Variants in RNF141 observed in about 807,000 individuals in gnomAD.
The protein encoded by RNF141 is C3HC4-like zinc finger protein.
Under a neutral mutation model 27.4 loss-of-function variants are expected in RNF141, and 18 were observed. The observed-to-expected ratio is 0.66, with a 90% CI of 0.45 to 0.97. The LOEUF (loss-of-function observed/expected upper bound fraction) is 0.97. Ranked by LOEUF, RNF141 falls within the 50% of genes least tolerant of loss-of-function variation. RNF141 has a pLI of 0.00. For missense variants in RNF141, 230 were observed against 279.4 expected, an observed-to-expected ratio of 0.82 and a Z score of 1.26; for synonymous variants, 97 against 96.6, an observed-to-expected ratio of 1.00 and a Z score of -0.02.
At chr11:10,526,675 T>C (rs1449710563) in intron 3 of RNF141, among the ~76,000 whole-genome samples, 6 of 151,146 alleles carry the variant, frequency 4.0e-5, no homozygotes, top group Non-Finnish European at 8.8e-5. Flanking sequence ...CCCAGCTACT[T>C]GGGAAGCTGA....
intron 3 of RNF141, among the ~76,000 whole-genome samples, 183 bp from the exon 4 acceptor site, chr11:10,525,556 G>T (rs1849925875): frequency 6.6e-6 from 1 of 152,142 alleles, no homozygotes; most frequent in Non-Finnish European, 1.5e-5. Flanking sequence ...CACTTGTGGG[G>T]TTCAAACTTC....
chr11:10,538,626 C>G (rs1850057893), intron 1 of RNF141, among the ~76,000 whole-genome samples: 1 of 152,212 alleles, frequency 6.6e-6, no homozygotes, highest in African/African-American at 2.4e-5. Context: ...TACACAAGCA[C>G]TCAATAGATG....
intron 1 of RNF141, among the ~76,000 whole-genome samples, chr11:10,536,222 T>TA (rs1334620301): frequency 4.0e-5 from 6 of 150,582 alleles, no homozygotes; most frequent in Non-Finnish European, 7.4e-5. Flanking sequence ...AGTTAGGGAT[T>TA]AAAAAAAAAG....
At position 10,512,268 on chromosome 11, in the gene RNF141, C is replaced by A. The variant is rs867249670; in HGVS notation, c.*2648G>T. 1 of 152,592 alleles carries A rather than the reference C, an allele frequency of 6.6e-6. No individual in the cohort carries two copies. The highest frequency in any genetic ancestry group is 2.4e-5 in the African/African-American group (1 of 41,430). The allele number at this position is 152,592 out of a possible 1,614,324, so 9.5% of individuals were successfully genotyped here. A position where few individuals can be genotyped will look rare whatever the true frequency, so the allele number is the denominator to read the frequency against. Reference sequence around the variant, plus strand: ...CCATTAAACAAATTTACAACTTTTACGATTAGTTATTACAGTAGAACTGAC... The same window carrying A: ...CCATTAAACAAATTTACAACTTTTAAGATTAGTTATTACAGTAGAACTGAC... On this transcript the variant is annotated 3_prime_UTR_variant, in exon 6 of 6. Transcript: ENST00000265981.
intron 5 of RNF141, chr11:10,515,419 A>G (rs1244632586): frequency 1.2e-5 from 2 of 171,910 alleles, no homozygotes; most frequent in African/African-American, 4.7e-5. Flanking sequence ...CTGTATCGCT[A>G]TGCCATAATT....
At chr11:10,521,444 T>C (rs906146571) in intron 4 of RNF141, among the ~76,000 whole-genome samples, 1 of 152,242 alleles carries the variant, frequency 6.6e-6, no homozygotes, top group Non-Finnish European at 1.5e-5. Flanking sequence ...TCATCAGACA[T>C]GTATTACTTT....
chr11:10,539,105 CA>C (rs1442313462), intron 1 of RNF141, among the ~76,000 whole-genome samples: 3 of 152,078 alleles, frequency 2.0e-5, no homozygotes, highest in Admixed American at 6.6e-5. Context: ...TCAAGGATTC[CA>C]AAAATGCCAC....
Position 10,513,278 on chromosome 11 carries a change from G to A in RNF141, c.*1638C>T, listed in dbSNP as rs3177103. ...TGGCCAGATGTTTTTCCTTGAAATT[G>A]ATTTGAATTTTATTTGCTCGCCTAT... On this transcript the variant is annotated 3_prime_UTR_variant, in exon 6 of 6. Coordinates refer to ENST00000265981, the MANE Select transcript of RNF141 (RefSeq NM_016422.4). 1 of 152,316 alleles carries A rather than the reference G, an allele frequency of 6.6e-6. No homozygotes were observed. The highest frequency in any genetic ancestry group is 1.5e-5 in the Non-Finnish European group (1 of 68,026). 9.4% of individuals were successfully genotyped at this position (152,316 alleles called of 1,614,324 possible). A position where few individuals can be genotyped will look rare whatever the true frequency, so the allele number is the denominator to read the frequency against.
chr11:10,530,118 A>G (rs897002242), intron 3 of RNF141, among the ~76,000 whole-genome samples: 1 of 152,212 alleles, frequency 6.6e-6, no homozygotes, highest in Non-Finnish European at 1.5e-5. Flanking sequence ...GTAGCCTCAA[A>G]AAGTTAAGAA....
At chr11:10,519,000 T>C in intron 5 of RNF141, 34 bp downstream of exon 5, 1 of 1,551,028 alleles carries the variant, frequency 6.4e-7, no homozygotes, top group Non-Finnish European at 8.9e-7. Context: ...CCCACTGACC[T>C]TGGCCCAGCC....
chr11:10,536,980 G>GA (rs368797758), intron 1 of RNF141, among the ~76,000 whole-genome samples: 13 of 150,234 alleles, frequency 8.7e-5, no homozygotes, highest in Admixed American at 2.0e-4. Context: ...CATGGGCATA[G>GA]AAAAAAAAAG....
intron 4 of RNF141, among the ~76,000 whole-genome samples, chr11:10,523,683 GT>G (rs1407441682): frequency 6.6e-6 from 1 of 152,158 alleles, no homozygotes; most frequent in Admixed American, 6.5e-5. Context: ...TGAATTTCCA[GT>G]TTTGAGGGCA....
chr11:10,534,864 C>G (rs964761382), intron 1 of RNF141, among the ~76,000 whole-genome samples: 1 of 151,902 alleles, frequency 6.6e-6, no homozygotes, highest in African/African-American at 2.4e-5. Context: ...TAGATGTGTA[C>G]CTTAGTTTTA....
intron 4 of RNF141, among the ~76,000 whole-genome samples, chr11:10,522,491 T>C (rs1370282277): frequency 6.6e-6 from 1 of 152,202 alleles, no homozygotes; most frequent in East Asian, 1.9e-4. Context: ...TTTGGTTCTA[T>C]GCCTCATACT....
At chr11:10,531,971 T>C (rs766565764) in intron 2 of RNF141, 1 of 451,740 alleles carries the variant, frequency 2.2e-6, no homozygotes. Flanking sequence ...TTCTGACCCA[T>C]GGAAATTGGT....
intron 1 of RNF141, among the ~76,000 whole-genome samples, chr11:10,538,199 A>G (rs1720159772): frequency 6.6e-6 from 1 of 152,204 alleles, no homozygotes; most frequent in African/African-American, 2.4e-5. Flanking sequence ...TTGTAACTGT[A>G]CTTGGTATCT....
In RNF141 at chr11:10,534,011, C is replaced by T; in HGVS notation, c.143+5G>A. 6.2e-7 allele frequency: 1 copy of T among 1,612,134 alleles called. No homozygotes were observed. On this transcript the variant is annotated splice_donor_5th_base_variant and intron_variant, in intron 2 of 5. Coordinates refer to ENST00000265981, the MANE Select transcript of RNF141 (RefSeq NM_016422.4). ...AAAACGAAAAACAAAAAGAGCAAGCCTTACACATCATTAAGCTCAGCTACT... is the reference window on the plus strand; with the variant it reads ...AAAACGAAAAACAAAAAGAGCAAGCTTTACACATCATTAAGCTCAGCTACT...
At chr11:10,535,598 A>G (rs1253958728) in intron 1 of RNF141, among the ~76,000 whole-genome samples, 1 of 152,162 alleles carries the variant, frequency 6.6e-6, no homozygotes, top group Admixed American at 6.5e-5. Flanking sequence ...AACAACAGTG[A>G]TTGCTGAATT....
chr11:10,535,464 A>C (rs1235622794), intron 1 of RNF141, among the ~76,000 whole-genome samples: 2 of 29,086 alleles, frequency 6.9e-5, no homozygotes, highest in Non-Finnish European at 1.3e-4. Flanking sequence ...GATCCAGGCC[A>C]AAAAAAAAAA....
Sources: gnomAD v4.1 joint callset for allele counts (sites outside exome capture counted in the v4.1 genomes callset) on GRCh38, gnomAD v4.1.1 for gene constraint, MANE v1.5 for transcripts, NCBI Gene and HGNC (gene_info 2026-07-23, HGNC 2026-07-21) for gene names.